Variants in AGO2 observed in about 807,000 individuals in gnomAD.
AGO2 encodes the protein argonaute RISC catalytic component 2, also known as protein argonaute-2.
AGO2 carries 5 observed loss-of-function variants against 102.3 expected under a neutral mutation model. The observed-to-expected ratio is 0.05, with a 90% CI of 0.03 to 0.10. AGO2 has a LOEUF of 0.10. AGO2 is among the 10% of genes least tolerant of loss of function. The pLI is 1.00. For missense variants in AGO2, 541 were observed against 1,183.7 expected (o/e 0.46, Z 7.97); for synonymous variants, 449 against 473.1 (o/e 0.95, Z 0.66).
At chr8:140,625,036 G>T (rs908331314) in intron 1 of AGO2, among the ~76,000 whole-genome samples, 1 of 152,068 alleles carries the variant, frequency 6.6e-6, no homozygotes, top group African/African-American at 2.4e-5. Flanking sequence ...CCACCCTCTT[G>T]GTCTGTTTCT....
chr8:140,585,182 T>G lies in AGO2; in HGVS notation c.152A>C (p.Lys51Thr). The part of the protein sequence containing the change: ...QANFFEMDIP[K>T]IDIYHYELDI... ...CAATTCATAATGATAGATGTCAATT[T>G]TGGGGATGTCCATTTCGAAGAAATT... The change falls in exon 2 of 19, where the codon AAA becomes ACA. Residue 51 changes from lysine (K) to threonine (T), a missense_variant. Transcript: ENST00000220592. The G allele has an allele frequency of 6.2e-7, 1 of 1,614,200 alleles. No individual in the cohort carries two copies. The highest frequency in any genetic ancestry group is 8.5e-7 in the Non-Finnish European group (1 of 1,180,036).
chr8:140,560,314 C>T, intron 5 of AGO2, 60 bp downstream of exon 5: 1 of 1,580,754 alleles, frequency 6.3e-7, no homozygotes, highest in Non-Finnish European at 8.6e-7. Context: ...GACCGGGGTC[C>T]TGACCCCCCA....
chr8:140,546,887 G>A (rs1435630322), intron 13 of AGO2, among the ~76,000 whole-genome samples: 1 of 152,224 alleles, frequency 6.6e-6, no homozygotes, highest in Admixed American at 6.5e-5. Context: ...ATACCTGGAT[G>A]CTCAGCCAGT....
chr8:140,570,278 T>C (rs2073357479), intron 3 of AGO2, among the ~76,000 whole-genome samples: 2 of 152,148 alleles, frequency 1.3e-5, no homozygotes, highest in Admixed American at 1.3e-4. Flanking sequence ...AAGGCTGGAG[T>C]GCAATGGTGT....
At chr8:140,584,337 C>T (rs960068934) in intron 2 of AGO2, among the ~76,000 whole-genome samples, 9 of 152,136 alleles carry the variant, frequency 5.9e-5, no homozygotes, top group East Asian at 3.8e-4. Flanking sequence ...GACCACACCG[C>T]GTGCTGGTGG....
Position 140,549,103 on chromosome 8 carries a change from C to T in AGO2, c.1588+11G>A. 1 of 1,592,098 alleles carries T rather than the reference C, an allele frequency of 6.3e-7. No individual in the cohort carries two copies. The highest frequency in any genetic ancestry group is 8.6e-7 in the Non-Finnish European group (1 of 1,167,338). On this transcript the variant is annotated intron_variant, in intron 12 of 18. Transcript: ENST00000220592. Reference sequence around the variant, plus strand: ...CGGCTCCCCACAGCCAGCGGGAGCGCCCACACCTACCGTACACGGGCGTCT... The same window carrying T: ...CGGCTCCCCACAGCCAGCGGGAGCGTCCACACCTACCGTACACGGGCGTCT...
intron 1 of AGO2, among the ~76,000 whole-genome samples, chr8:140,613,740 G>A (rs1469013144): frequency 1.3e-5 from 2 of 152,146 alleles, no homozygotes; most frequent in Non-Finnish European, 2.9e-5. Context: ...AGCTGGCCAG[G>A]CATGGTAGCT....
intron 3 of AGO2, among the ~76,000 whole-genome samples, chr8:140,566,179 T>C (rs563648534): frequency 1.3e-5 from 2 of 152,318 alleles, no homozygotes; most frequent in South Asian, 4.1e-4. Flanking sequence ...GGAAGGTGAC[T>C]GAATCATGGG....
upstream of AGO2, among the ~76,000 whole-genome samples, chr8:140,638,904 G>A (rs962315848): frequency 5.3e-5 from 8 of 151,934 alleles, no homozygotes; most frequent in Non-Finnish European, 1.0e-4. Context: ...TATTTTTCTA[G>A]ACAGGGTCTC....
chr8:140,576,405 G>A (rs533346769), intron 2 of AGO2, among the ~76,000 whole-genome samples: 23 of 152,328 alleles, frequency 1.5e-4, no homozygotes, highest in South Asian at 1.2e-3. Context: ...CAAAGAACTT[G>A]TATGCATAAT....
intron 1 of AGO2, among the ~76,000 whole-genome samples, chr8:140,598,799 T>C (rs4961273): frequency 0.8 from 121,198 of 152,180 alleles, 48,530 homozygotes; most frequent in Admixed American, 0.83. Context: ...AAGACAATTG[T>C]ACAGCAGACC....
chr8:140,539,267 G>C lies in AGO2; in HGVS notation c.2169+53C>G. The stretch of plus-strand genomic sequence containing the variant: ...GTTCTCTTGTGAGTGTGCTCGGGGT[G>C]TGGGGCTGAGGGGAGAACCGTGCCC... On this transcript the variant is annotated intron_variant, in intron 16 of 18. Transcript: ENST00000220592. This position sits in a 1 kb window ranked among gnomAD's most constrained non-coding sequence, Gnocchi z 4.7. The C allele has an allele frequency of 6.4e-7, 1 of 1,553,214 alleles. No homozygotes were observed. Among genetic ancestry groups the C allele is most frequent in the Non-Finnish European group, 8.7e-7 (1 of 1,147,714 alleles).
intron 1 of AGO2, among the ~76,000 whole-genome samples, chr8:140,612,970 T>C (rs1157247570): frequency 6.6e-6 from 1 of 151,452 alleles, no homozygotes; most frequent in Non-Finnish European, 1.5e-5. Flanking sequence ...GAGGCCGAGG[T>C]GGGCAGATCA....
intron 14 of AGO2, among the ~76,000 whole-genome samples, chr8:140,543,214 A>AAC (rs2072833314): frequency 6.6e-6 from 1 of 152,026 alleles, no homozygotes; most frequent in Non-Finnish European, 1.5e-5. Flanking sequence ...CAACAAAAAA[A>AAC]CGACTCAGCA....
At chr8:140,545,326 C>T (rs1299393897) in intron 13 of AGO2, among the ~76,000 whole-genome samples, 2 of 152,166 alleles carry the variant, frequency 1.3e-5, no homozygotes, top group African/African-American at 4.8e-5. Context: ...GACCCATGGC[C>T]GAGCCTCAGG....
rs185241056 is a variant in AGO2 at position 140,539,511 on chromosome 8, G to A, written c.2035-57C>T. 7.3e-5 allele frequency: 114 copies of A among 1,557,414 alleles called. No homozygotes were observed. In the African/African-American group the frequency reaches 1.2e-3, roughly 16 times the overall value. On this transcript the variant is annotated intron_variant, in intron 15 of 18. Transcript: ENST00000220592. The surrounding 1 kb of genome is among the most constrained non-coding windows in gnomAD (Gnocchi z 4.7). ...AAAGATGGTAGTGCATGTGAGCAAC[G>A]GTCCCACGTGCGGGTTCTGGGTTGA...
At chr8:140,625,518 G>A (rs1301174361) in intron 1 of AGO2, among the ~76,000 whole-genome samples, 3 of 152,116 alleles carry the variant, frequency 2.0e-5, no homozygotes, top group Non-Finnish European at 4.4e-5. Context: ...TATCCAGGGG[G>A]TGCTTTACAC....
chr8:140,640,550 G>A (rs947009898), upstream of AGO2, among the ~76,000 whole-genome samples: 13 of 151,372 alleles, frequency 8.6e-5, no homozygotes, highest in South Asian at 1.3e-3. Flanking sequence ...ATGGAGTCTC[G>A]CTCTGTTGCA....
chr8:140,612,716 C>A (rs1022908203), intron 1 of AGO2, among the ~76,000 whole-genome samples: 1 of 151,950 alleles, frequency 6.6e-6, no homozygotes, highest in African/African-American at 2.4e-5. Context: ...TGCGCCACTG[C>A]ACTCCAGCCT....
Sources: gnomAD v4.1 joint callset for allele counts (sites outside exome capture counted in the v4.1 genomes callset) on GRCh38, gnomAD v4.1.1 for gene constraint, Gnocchi (gnomAD v3.1) non-coding constraint, MANE v1.5 for transcripts, NCBI Gene and HGNC (gene_info 2026-07-23, HGNC 2026-07-21) for gene names.